NFIX: variants seen among roughly 807,000 people sequenced by gnomAD.
The protein encoded by NFIX is nuclear factor I X, also known as nuclear factor 1 X-type.
NFIX carries 2 observed loss-of-function variants against 53.3 expected under a neutral mutation model. The ratio of observed to expected loss-of-function variants is 0.04; its 90% confidence interval spans 0.02 to 0.12. The LOEUF is 0.12. NFIX is among the 10% of genes least tolerant of loss of function. The probability of loss-of-function intolerance (pLI) is 1.00; values close to 1 mark genes in which losing one functional copy is unlikely to be tolerated. For missense variants in NFIX, 310 were observed against 674.5 expected (o/e 0.46, Z 5.99); for synonymous variants, 244 against 289.0 (o/e 0.84, Z 1.58).
intron 1 of NFIX, among the ~76,000 whole-genome samples, chr19:13,004,173 C>T (rs1007285334): frequency 6.6e-6 from 1 of 152,034 alleles, no homozygotes; most frequent in Non-Finnish European, 1.5e-5. Flanking sequence ...CAACCCTCGC[C>T]GACCACAAAG....
At chr19:13,041,916 G>A (rs980076477) in intron 2 of NFIX, among the ~76,000 whole-genome samples, 3 of 151,552 alleles carry the variant, frequency 2.0e-5, no homozygotes, top group Admixed American at 6.6e-5. Context: ...GTTAGTTTTT[G>A]AGATGGAGTC....
At chr19:13,071,180 G>A (rs2016753141) in intron 2 of NFIX, 1 of 152,224 alleles carries the variant, frequency 6.6e-6, no homozygotes, top group Admixed American at 6.5e-5. Flanking sequence ...TCTGCACATG[G>A]GTCCTGAGGT....
At chr19:13,029,215 G>C (rs1453167319) in intron 2 of NFIX, among the ~76,000 whole-genome samples, 18 of 152,102 alleles carry the variant, frequency 1.2e-4, no homozygotes, top group Admixed American at 1.2e-3. Flanking sequence ...TTATTTAGAA[G>C]ATCCAGGCAT....
intron 2 of NFIX, among the ~76,000 whole-genome samples, chr19:13,042,069 T>A (rs925842534): frequency 4.4e-4 from 66 of 150,322 alleles, no homozygotes; most frequent in African/African-American, 1.6e-3. Flanking sequence ...GGCTAATTTT[T>A]TTTTTTTTTT....
chr19:13,007,171 C>T (rs1260035168), intron 1 of NFIX, among the ~76,000 whole-genome samples: 1 of 152,050 alleles, frequency 6.6e-6, no homozygotes, highest in Admixed American at 6.6e-5. Flanking sequence ...TTTGGCATCT[C>T]TTCCCCCTCC....
intron 1 of NFIX, chr19:13,024,067 G>T (rs2013124593): frequency 1.9e-5 from 19 of 997,630 alleles, no homozygotes; most frequent in Middle Eastern, 3.4e-4. Context: ...TTTTATTTTT[G>T]TAAACAGAAA....
rs1348612846 is a variant in NFIX, at chr19:13,073,887, A to G, written c.698-19A>G. On this transcript the variant is annotated intron_variant, in intron 4 of 10. Transcript: ENST00000592199. The surrounding 1 kb of genome is among the most constrained non-coding windows in gnomAD (Gnocchi z 4.5). The stretch of plus-strand genomic sequence containing the variant: ...CCTCCCCCCACCTCCAAACCTCATC[A>G]CCCTCTCGTTCTTCCCAGCTCCTGT... 1.9e-6 allele frequency: 3 copies of G among 1,613,086 alleles called. No homozygotes were observed. Among genetic ancestry groups the G allele is most frequent in the Non-Finnish European group, 2.5e-6 (3 of 1,179,720 alleles).
rs1239390345 is a variant in NFIX at position 13,093,707 on chromosome 19, G to A, written c.1495-928G>A. The stretch of plus-strand genomic sequence containing the variant: ...CTGGCCCCTGCAGACCAGAGTCTGT[G>A]ACAGCCTGGGAGAGGTCCCAAGATG... On this transcript the variant is annotated intron_variant, in intron 10 of 10. Transcript: ENST00000592199. The surrounding 1 kb of genome is among the most constrained non-coding windows in gnomAD (Gnocchi z 4.7). Among the ~76,000 whole-genome samples the A allele has an allele frequency of 1.3e-5, 2 of 152,220 alleles. No homozygotes were observed. Among genetic ancestry groups the A allele is most frequent in the Admixed American group, 1.3e-4 (2 of 15,286 alleles).
In NFIX at chr19:13,066,602, A is replaced by G. The variant is rs547681774; in HGVS notation, c.560-6445A>G. ...TGGGGTGACATGTTCCCCTGTCCTT[A>G]TCCCTGCCCCCACCCACAGCTTGCG... is the stretch of plus-strand genomic sequence containing the variant. On this transcript the variant is annotated intron_variant, in intron 2 of 10. Coordinates refer to ENST00000592199, the MANE Select transcript of NFIX (RefSeq NM_001365902.3). This position sits in a 1 kb window ranked among gnomAD's most constrained non-coding sequence, Gnocchi z 4.2. 7.9e-5 allele frequency among the ~76,000 whole-genome samples: 12 copies of G among 152,166 alleles called. No homozygotes were observed. In the South Asian group the frequency reaches 1.9e-3, roughly 24 times the overall value.
intron 2 of NFIX, among the ~76,000 whole-genome samples, chr19:13,056,663 A>G (rs969265850): frequency 3.3e-5 from 5 of 152,210 alleles, no homozygotes; most frequent in Admixed American, 6.5e-5. Flanking sequence ...CCCAGGGGTG[A>G]AAACCTGGCT....
chr19:12,996,543 C>T lies in NFIX; in HGVS notation c.27+679C>T, dbSNP rs2011473776. On this transcript the variant is annotated intron_variant, in intron 1 of 10. Coordinates refer to ENST00000592199, the MANE Select transcript of NFIX (RefSeq NM_001365902.3). This position sits in a 1 kb window ranked among gnomAD's most constrained non-coding sequence, Gnocchi z 5.2. The stretch of plus-strand genomic sequence containing the variant: ...AGGGGAGGGGAGAGGGGGGCGGGCG[C>T]GCTGCCAGCGGTGGCCGCGCCTCTC... Among the ~76,000 whole-genome samples the T allele has an allele frequency of 6.6e-6, 1 of 152,134 alleles. No individual in the cohort carries two copies. Among genetic ancestry groups the T allele is most frequent in the Non-Finnish European group, 1.5e-5 (1 of 67,996 alleles).
intron 6 of NFIX, among the ~76,000 whole-genome samples, chr19:13,077,838 T>C (rs935281576): frequency 6.6e-6 from 1 of 152,198 alleles, no homozygotes; most frequent in Non-Finnish European, 1.5e-5. Flanking sequence ...GAGATGAATT[T>C]CTAAAGACAG....
intron 2 of NFIX, among the ~76,000 whole-genome samples, chr19:13,065,515 G>C (rs986490480): frequency 2.0e-5 from 3 of 152,196 alleles, no homozygotes; most frequent in African/African-American, 7.2e-5. Context: ...GGAGGAGCCT[G>C]CAGGCCCACT....
In NFIX at chr19:13,002,514, C is replaced by G. The variant is rs1028130656; in HGVS notation, c.27+6650C>G. On this transcript the variant is annotated intron_variant, in intron 1 of 10. Transcript: ENST00000592199. The surrounding 1 kb of genome is among the most constrained non-coding windows in gnomAD (Gnocchi z 6.1). ...GGTGAGGGAACAGGGTGGACAGGGC[C>G]TGGCAGCCAGAGGGAGGCAATGGGC... 1.3e-5 allele frequency among the ~76,000 whole-genome samples: 2 copies of G among 152,012 alleles called. No homozygotes were observed. Among genetic ancestry groups the G allele is most frequent in the African/African-American group, 4.8e-5 (2 of 41,404 alleles).
intron 1 of NFIX, among the ~76,000 whole-genome samples, chr19:13,023,070 TTCTCTCTCTC>T (rs3840930): frequency 1.4e-5 from 2 of 138,070 alleles, no homozygotes; most frequent in Admixed American, 7.0e-5. Context: ...TTCTCTCTCT[TTCTCTCTCTC>T]TCTCTCTCTC....
At chr19:13,010,634 G>C (rs898730385) in intron 1 of NFIX, among the ~76,000 whole-genome samples, 3 of 152,176 alleles carry the variant, frequency 2.0e-5, no homozygotes, top group Admixed American at 1.3e-4. Flanking sequence ...TGGAGCTTTC[G>C]AGCACAGGTA....
At position 13,051,060 on chromosome 19, in the gene NFIX, G is replaced by A. The variant is rs1386389339; in HGVS notation, c.560-21987G>A. On this transcript the variant is annotated intron_variant, in intron 2 of 10. Transcript: ENST00000592199. The surrounding 1 kb of genome is among the most constrained non-coding windows in gnomAD (Gnocchi z 5.1). ...GTGTTGTTGGTAATGACTTGGCAGT[G>A]GAGGGAGGAGGGTGCATACCTCCAG... Among the ~76,000 whole-genome samples the A allele has an allele frequency of 1.3e-5, 2 of 152,208 alleles. No individual in the cohort carries two copies. Among genetic ancestry groups the A allele is most frequent in the Non-Finnish European group, 2.9e-5 (2 of 68,034 alleles).
At chr19:13,062,372 C>T (rs570659146) in intron 2 of NFIX, among the ~76,000 whole-genome samples, 1 of 152,206 alleles carries the variant, frequency 6.6e-6, no homozygotes, top group Non-Finnish European at 1.5e-5. Context: ...CCTCTGTTCC[C>T]TGGGTGGTCA....
At position 13,088,245 on chromosome 19, in the gene NFIX, C is replaced by T; in HGVS notation, c.1402+109C>T. The T allele has an allele frequency of 7.6e-7, 1 of 1,321,448 alleles. No homozygotes were observed. The highest frequency in any genetic ancestry group is 1.4e-5 in the South Asian group (1 of 70,956). The allele number at this position is 1,321,448 out of a possible 1,614,324, so 81.9% of individuals were successfully genotyped here. ...CCCCCTCCCCACCACCAAAGCCCCC[C>T]AACCCAGAGCACCATGGACAAGAGC... is the stretch of plus-strand genomic sequence containing the variant. On this transcript the variant is annotated intron_variant, in intron 9 of 10. Transcript: ENST00000592199. The surrounding 1 kb of genome is among the most constrained non-coding windows in gnomAD (Gnocchi z 5.9).
Sources: allele counts gnomAD v4.1 joint callset (sites outside exome capture counted in the v4.1 genomes callset), GRCh38; gene constraint gnomAD v4.1.1; non-coding constraint Gnocchi (gnomAD v3.1); transcripts MANE v1.5; gene names NCBI Gene and HGNC (gene_info 2026-07-23, HGNC 2026-07-21).